Variants in OSBPL2 observed in about 807,000 individuals in gnomAD.
OSBPL2 encodes oxysterol-binding protein-related protein 2.
OSBPL2 carries 18 observed loss-of-function variants against 58.4 expected under a neutral mutation model. The ratio of observed to expected loss-of-function variants is 0.31; its 90% CI spans 0.21 to 0.46. The LOEUF (loss-of-function observed/expected upper bound fraction) is 0.46. Ranked by LOEUF, OSBPL2 falls within the 20% of genes least tolerant of loss-of-function variation. OSBPL2 has a pLI of 1.00. For missense variants in OSBPL2, 461 were observed against 616.5 expected (o/e 0.75, Z 2.67); for synonymous variants, 221 against 234.1 (o/e 0.94, Z 0.51).
At chr20:62,291,318 T>G (rs1459844967) in intron 12 of OSBPL2, 6 of 331,648 alleles carry the variant, frequency 1.8e-5, no homozygotes, top group Admixed American at 4.3e-5. Context: ...GAGCTCGTCT[T>G]TGGGAGATGG....
In OSBPL2 at chr20:62,294,624, C is replaced by T. The variant is rs6121980; in HGVS notation, c.*737C>T. The stretch of plus-strand genomic sequence containing the variant: ...GAGAGCGTGACAGGAAATCCCAAGA[C>T]TGCTTCCGCCTCAGAGGCGTCCCGG... On this transcript the variant is annotated 3_prime_UTR_variant, in exon 14 of 14. Transcript: ENST00000313733. 12,380 of 152,478 alleles carry T rather than the reference C, an allele frequency of 0.081. 761 individuals are homozygous for T. Among genetic ancestry groups the T allele is most frequent in the African/African-American group, 0.17 (7,004 of 41,528 alleles). The allele number at this position is 152,478 out of a possible 1,614,324, so 9.4% of individuals were successfully genotyped here.
chr20:62,272,083 A>C, intron 4 of OSBPL2, 42 bp from the exon 5 acceptor site: 1 of 1,610,280 alleles, frequency 6.2e-7, no homozygotes, highest in Admixed American at 1.7e-5. Flanking sequence ...CAGCGGTGTC[A>C]GGAAGGCAGC....
At chr20:62,290,766 TTC>T (rs1407757981) in intron 12 of OSBPL2, among the ~76,000 whole-genome samples, 1 of 148,670 alleles carries the variant, frequency 6.7e-6, no homozygotes, top group Non-Finnish European at 1.5e-5. Flanking sequence ...GAGACAGAGT[TTC>T]ACACTTGTTG....
intron 1 of OSBPL2, chr20:62,255,098 CTTTT>C (rs11479147): frequency 2.2e-5 from 3 of 134,448 alleles, no homozygotes; most frequent in Non-Finnish European, 4.7e-5. Context: ...GCCCCCATGA[CTTTT>C]TTTTTTTTTT....
intron 1 of OSBPL2, among the ~76,000 whole-genome samples, chr20:62,248,139 T>A (rs1980262285): frequency 7.1e-6 from 1 of 141,502 alleles, no homozygotes; most frequent in Non-Finnish European, 1.5e-5. Flanking sequence ...TTTTTTTTTC[T>A]TTTTTCTTTT....
In OSBPL2 at chr20:62,261,577, G is replaced by A. The variant is rs186089542; in HGVS notation, c.182+1452G>A. 8.0e-4 allele frequency among the ~76,000 whole-genome samples: 122 copies of A among 152,230 alleles called. 2 individuals carry two copies. Among genetic ancestry groups the A allele is most frequent in the Non-Finnish European group, 1.5e-3 (99 of 68,000 alleles). On this transcript the variant is annotated intron_variant, in intron 3 of 13. Transcript: ENST00000313733. Reference sequence around the variant, plus strand: ...GTTCTCTCACCCTACAGATATGGGAGCCCCCACCCCCGCTCCTGCATTCCC... The same window carrying A: ...GTTCTCTCACCCTACAGATATGGGAACCCCCACCCCCGCTCCTGCATTCCC...
chr20:62,284,836 T>C (rs1205424571), intron 10 of OSBPL2: 1 of 152,296 alleles, frequency 6.6e-6, no homozygotes, highest in Non-Finnish European at 1.5e-5. Context: ...TTCTGGGTCC[T>C]TCTTAATAAA....
At position 62,289,236 on chromosome 20, in the gene OSBPL2, C is replaced by G. The variant is rs1983332872; in HGVS notation, c.1155C>G (p.Ser385Arg). The G allele has an allele frequency of 3.7e-6, 6 of 1,613,806 alleles. No homozygotes were observed. Among genetic ancestry groups the G allele is most frequent in the Non-Finnish European group, 5.1e-6 (6 of 1,179,850 alleles). The change falls in exon 12 of 14, where the codon AGC (serine) becomes AGG (arginine). Residue 385 changes from serine to arginine, a missense_variant. Ser to Arg is a moderately radical substitution (Grantham distance 110). Coordinates refer to ENST00000313733, the MANE Select transcript of OSBPL2 (RefSeq NM_144498.4). ...QMYNFTSFTV[S>R]LNELETGMEK... ...ATAATTTCACCAGTTTCACTGTGAGCCTCAACGAGCTGGAGACAGGCATGG... is the reference window on the plus strand; with the variant it reads ...ATAATTTCACCAGTTTCACTGTGAGGCTCAACGAGCTGGAGACAGGCATGG...
At chr20:62,249,321 A>G (rs1287077282) in intron 1 of OSBPL2, among the ~76,000 whole-genome samples, 1 of 152,206 alleles carries the variant, frequency 6.6e-6, no homozygotes, top group Non-Finnish European at 1.5e-5. Flanking sequence ...AGAAGTAGAA[A>G]AGGGAGAAGT....
intron 1 of OSBPL2, among the ~76,000 whole-genome samples, chr20:62,243,499 C>G (rs1043147678): frequency 1.3e-5 from 2 of 152,038 alleles, no homozygotes; most frequent in African/African-American, 2.4e-5. Flanking sequence ...TTCAGTGGCT[C>G]GGCTGTCAGG....
intron 10 of OSBPL2, chr20:62,284,373 CATTT>C: frequency 1.8e-6 from 1 of 550,478 alleles, no homozygotes; most frequent in Non-Finnish European, 3.1e-6. Context: ...TATTTCTTTC[CATTT>C]TTTTTTTTTT....
At chr20:62,251,319 G>T (rs1980521209) in intron 1 of OSBPL2, among the ~76,000 whole-genome samples, 2 of 150,438 alleles carry the variant, frequency 1.3e-5, no homozygotes, top group Admixed American at 1.3e-4. Context: ...CTCGCAAAGT[G>T]CTGGGATTAC....
intron 1 of OSBPL2, among the ~76,000 whole-genome samples, chr20:62,246,200 G>C (rs1980104246): frequency 6.6e-6 from 1 of 152,266 alleles, no homozygotes; most frequent in Non-Finnish European, 1.5e-5. Context: ...ATGGTCCCAT[G>C]ATGGCTCAGC....
chr20:62,293,327 G>A lies in OSBPL2; in HGVS notation c.1341-458G>A, dbSNP rs147112954. 1.9e-3 allele frequency among the ~76,000 whole-genome samples: 292 copies of A among 152,200 alleles called. 1 individual carries two copies. The highest frequency in any genetic ancestry group is 6.6e-3 in the African/African-American group (275 of 41,528). ...GTGCCAGCCGGGGGCTGTGGACGGC[G>A]GCTGAACCAGCGCCAACACTCAGGC... On this transcript the variant is annotated intron_variant, in intron 13 of 13. Coordinates refer to ENST00000313733, the MANE Select transcript of OSBPL2 (RefSeq NM_144498.4).
At position 62,279,463 on chromosome 20, in the gene OSBPL2, C is replaced by T. The variant is rs1197683903; in HGVS notation, c.674+124C>T. 5 of 968,188 alleles carry T rather than the reference C, an allele frequency of 5.2e-6. No individual in the cohort carries two copies. The East Asian group carries it at 1.3e-4, about 25-fold the overall frequency. The allele number at this position is 968,188 out of a possible 1,614,324, so 60.0% of individuals were successfully genotyped here. On this transcript the variant is annotated intron_variant, in intron 7 of 13. Transcript: ENST00000313733. Reference sequence around the variant, plus strand: ...CATTTTTCTCCTGAGGTGGGGACCTCCCCACAGCAGAAACGTCTTCAGATG... The same window carrying T: ...CATTTTTCTCCTGAGGTGGGGACCTTCCCACAGCAGAAACGTCTTCAGATG...
intron 4 of OSBPL2, chr20:62,271,741 C>A (rs946887939): frequency 1.0e-5 from 2 of 200,282 alleles, no homozygotes; most frequent in South Asian, 1.1e-4. Flanking sequence ...TGTGAGCCAC[C>A]GTGCCCAGCC....
At chr20:62,271,323 G>T (rs1982039871) in intron 4 of OSBPL2, among the ~76,000 whole-genome samples, 1 of 152,174 alleles carries the variant, frequency 6.6e-6, no homozygotes, top group Non-Finnish European at 1.5e-5. Flanking sequence ...AGGCCTTAGG[G>T]GAAAGCCACA....
At chr20:62,279,133 T>A in intron 6 of OSBPL2, 24 bp from the exon 7 acceptor site, 1 of 1,587,682 alleles carries the variant, frequency 6.3e-7, no homozygotes, top group Non-Finnish European at 8.6e-7. Flanking sequence ...TTAATGTGTC[T>A]CTCTTTTTTA....
intron 4 of OSBPL2, chr20:62,271,852 G>C (rs1982081827): frequency 2.5e-6 from 1 of 393,154 alleles, no homozygotes; most frequent in Admixed American, 4.3e-5. Flanking sequence ...GTCTGGAATG[G>C]GGCGGTGGGC....
Sources: gnomAD v4.1 joint callset for allele counts (sites outside exome capture counted in the v4.1 genomes callset) on GRCh38, gnomAD v4.1.1 for gene constraint, MANE v1.5 for transcripts, NCBI Gene and HGNC (gene_info 2026-07-23, HGNC 2026-07-21) for gene names.